The following KCNIP1 variants were observed in gnomAD, a reference collection of about 807,000 sequenced individuals.
KCNIP1 encodes potassium voltage-gated channel interacting protein 1.
Under a neutral mutation model 33.0 loss-of-function variants are expected in KCNIP1, and 18 were observed. The ratio of observed to expected loss-of-function variants is 0.55; its 90% CI spans 0.38 to 0.81. The LOEUF (loss-of-function observed/expected upper bound fraction) is 0.81, where lower values mean the gene tolerates loss of function less well. KCNIP1 is among the 30% of genes least tolerant of loss of function. KCNIP1 has a pLI of 0.00. For synonymous variants in KCNIP1, 93 were observed against 98.3 expected (o/e 0.95, Z 0.32); for missense variants, 238 against 271.6 (o/e 0.88, Z 0.87).
In KCNIP1 at chr5:170,678,266, G is replaced by A. The variant is rs150236484; in HGVS notation, c.62-40492G>A. ...AGGACAGCACAGACTTTGGAGGCAG[G>A]TAGATTTTGGGTTGTCACGCAGACA... On this transcript the variant is annotated intron_variant, in intron 1 of 7. Transcript: ENST00000328939. 3.7e-3 allele frequency: 565 copies of A among 152,334 alleles called. 1 individual carries two copies. Among genetic ancestry groups the A allele is most frequent in the Non-Finnish European group, 6.1e-3 (413 of 68,022 alleles). The allele number at this position is 152,334 out of a possible 1,614,324, so 9.4% of individuals were successfully genotyped here.
At chr5:170,539,049 A>G (rs1423625962) in intron 1 of KCNIP1, among the ~76,000 whole-genome samples, 1 of 151,882 alleles carries the variant, frequency 6.6e-6, no homozygotes, top group Non-Finnish European at 1.5e-5. Context: ...TGCAGGTCCT[A>G]TGATCATGGC....
chr5:170,602,349 G>A (rs1032714135), intron 1 of KCNIP1, among the ~76,000 whole-genome samples: 1 of 152,232 alleles, frequency 6.6e-6, no homozygotes, highest in Non-Finnish European at 1.5e-5. Context: ...CCACCGCTGG[G>A]CCTCAATGCC....
intron 1 of KCNIP1, among the ~76,000 whole-genome samples, chr5:170,631,058 G>A (rs543463945): frequency 1.8e-4 from 28 of 152,288 alleles, no homozygotes; most frequent in Non-Finnish European, 3.7e-4. Context: ...ACTTGGTCAG[G>A]TGACTCCAAC....
At chr5:170,471,374 T>C (rs890086937) in intron 1 of KCNIP1, among the ~76,000 whole-genome samples, 17 of 152,286 alleles carry the variant, frequency 1.1e-4, no homozygotes, top group African/African-American at 4.1e-4. Flanking sequence ...AAGAAACCAC[T>C]GTTTGGTGAG....
At chr5:170,509,987 T>C (rs1754874574) in intron 1 of KCNIP1, among the ~76,000 whole-genome samples, 1 of 152,186 alleles carries the variant, frequency 6.6e-6, no homozygotes. Context: ...TATCCACTCA[T>C]TTATTTGTTC....
chr5:170,632,251 C>G (rs1760076791), intron 1 of KCNIP1, among the ~76,000 whole-genome samples: 2 of 152,170 alleles, frequency 1.3e-5, no homozygotes, highest in African/African-American at 4.8e-5. Flanking sequence ...CTCAGAAAAC[C>G]CCAGATGCCC....
At chr5:170,367,702 C>A (rs1187854826) in intron 1 of KCNIP1, among the ~76,000 whole-genome samples, 2 of 152,244 alleles carry the variant, frequency 1.3e-5, no homozygotes, top group Non-Finnish European at 2.9e-5. Flanking sequence ...TTTCCACTCT[C>A]AGAACCGTTC....
chr5:170,691,570 GA>G (rs1414541232), intron 1 of KCNIP1, among the ~76,000 whole-genome samples: 2 of 152,178 alleles, frequency 1.3e-5, no homozygotes, highest in Admixed American at 1.3e-4. Context: ...AATTGTAGGA[GA>G]ACATTTGGCT....
intron 1 of KCNIP1, among the ~76,000 whole-genome samples, chr5:170,580,611 G>A (rs1032488867): frequency 6.6e-6 from 1 of 152,158 alleles, no homozygotes; most frequent in African/African-American, 2.4e-5. Flanking sequence ...ACCACGCTGG[G>A]CATATTCAGG....
chr5:170,456,701 TTTTCTTTCTTTC>T (rs147202327), intron 1 of KCNIP1, among the ~76,000 whole-genome samples: 1 of 135,680 alleles, frequency 7.4e-6, no homozygotes, highest in Non-Finnish European at 1.5e-5. Context: ...CTCTCTCTCT[TTTTCTTTCTTTC>T]TTTCTTTCTT....
At chr5:170,372,846 C>G (rs150904930) in intron 1 of KCNIP1, among the ~76,000 whole-genome samples, 1 of 152,272 alleles carries the variant, frequency 6.6e-6, no homozygotes, top group East Asian at 1.9e-4. Context: ...AGACACATCC[C>G]AAAGCTTCAT....
intron 1 of KCNIP1, among the ~76,000 whole-genome samples, chr5:170,534,962 G>C (rs1013277385): frequency 6.6e-6 from 1 of 152,034 alleles, no homozygotes; most frequent in Non-Finnish European, 1.5e-5. Context: ...TGATGAACAT[G>C]TTTCCTCCAC....
chr5:170,449,770 T>A (rs1756202511), intron 1 of KCNIP1, among the ~76,000 whole-genome samples: 1 of 152,182 alleles, frequency 6.6e-6, no homozygotes, highest in South Asian at 2.1e-4. Flanking sequence ...GGTCAGCTAA[T>A]TCCACTCTAC....
intron 1 of KCNIP1, among the ~76,000 whole-genome samples, chr5:170,427,606 A>C (rs1224861463): frequency 6.6e-6 from 1 of 152,146 alleles, no homozygotes; most frequent in East Asian, 1.9e-4. Context: ...GTTCCCAGCC[A>C]ATGCAAACAG....
At chr5:170,444,686 T>C (rs996237525) in intron 1 of KCNIP1, among the ~76,000 whole-genome samples, 6 of 142,214 alleles carry the variant, frequency 4.2e-5, no homozygotes, top group Non-Finnish European at 9.3e-5. Context: ...ACAAATTATA[T>C]TTTTTCTTTT....
intron 1 of KCNIP1, chr5:170,385,367 G>A (rs142110081): frequency 9.3e-6 from 15 of 1,613,962 alleles, no homozygotes; most frequent in African/African-American, 4.0e-5. Flanking sequence ...AGGTGATGAC[G>A]GCACACACCA....
At chr5:170,669,039 C>T (rs1354586575) in intron 1 of KCNIP1, among the ~76,000 whole-genome samples, 1 of 152,208 alleles carries the variant, frequency 6.6e-6, no homozygotes. Flanking sequence ...CCTCCTGCTT[C>T]TCTTTCTCAT....
chr5:170,457,150 C>A (rs528921924), intron 1 of KCNIP1, among the ~76,000 whole-genome samples: 26 of 152,276 alleles, frequency 1.7e-4, no homozygotes, highest in African/African-American at 6.3e-4. Context: ...AGGAATACAA[C>A]AAGCCAATTG....
At chr5:170,674,139 GGAAGGAAGGAAGGAA>G (rs1561756464) in intron 1 of KCNIP1, among the ~76,000 whole-genome samples, 5,638 of 76,024 alleles carry the variant, frequency 0.074, 484 homozygotes, top group East Asian at 0.18. Context: ...GAGGAAGGAA[GGAAGGAAGGAAGGAA>G]GGAAGGAAGG....
Sources: gnomAD v4.1 joint callset for allele counts (sites outside exome capture counted in the v4.1 genomes callset) on GRCh38, gnomAD v4.1.1 for gene constraint, MANE v1.5 for transcripts, NCBI Gene and HGNC (gene_info 2026-07-23, HGNC 2026-07-21) for gene names.